Variants in COLEC10 observed in about 807,000 individuals in gnomAD.
The protein encoded by COLEC10 is collectin subfamily member 10.
Under a neutral mutation model 28.4 loss-of-function variants are expected in COLEC10, and 22 were observed. That is an observed-to-expected ratio of 0.78 (90% confidence interval 0.55 to 1.11). The LOEUF (loss-of-function observed/expected upper bound fraction) is 1.11. Ranked by LOEUF, COLEC10 falls within the 50% of genes least tolerant of loss-of-function variation. COLEC10 has a pLI of 0.00. For missense variants in COLEC10, 361 were observed against 344.1 expected, an observed-to-expected ratio of 1.05 and a Z score of -0.39; for synonymous variants, 125 against 116.1, an observed-to-expected ratio of 1.08 and a Z score of -0.49.
intron 1 of COLEC10, among the ~76,000 whole-genome samples, chr8:119,000,758 A>G (rs1486723064): frequency 6.6e-6 from 1 of 152,186 alleles, no homozygotes; most frequent in East Asian, 1.9e-4. Context: ...AGGGAGAACA[A>G]GTTTCATATA....
At chr8:119,076,447 G>C (rs911569839) in intron 1 of COLEC10, among the ~76,000 whole-genome samples, 26 of 152,098 alleles carry the variant, frequency 1.7e-4, no homozygotes, top group Admixed American at 8.5e-4. Flanking sequence ...ATTTTTAGTA[G>C]AGATGGGGTT....
the COLEC10 span, among the ~76,000 whole-genome samples, chr8:118,966,898 T>A: frequency 0.092 from 13,982 of 152,126 alleles, 674 homozygotes; most frequent in African/African-American, 0.12. Flanking sequence ...CTGTGATGTG[T>A]CAAGCCAGGT....
intron 2 of COLEC10, among the ~76,000 whole-genome samples, chr8:119,043,349 C>CT: frequency 6.6e-6 from 1 of 152,204 alleles, no homozygotes; most frequent in Admixed American, 6.5e-5. Flanking sequence ...AGCAGGAAGC[C>CT]AGAGAATTTG....
At chr8:118,969,350 A>G in the COLEC10 span, among the ~76,000 whole-genome samples, 1 of 152,060 alleles carries the variant, frequency 6.6e-6, no homozygotes, top group Non-Finnish European at 1.5e-5. Context: ...TGCAGCAAAC[A>G]TAGGCAACTA....
chr8:119,096,818 T>C (rs1238574570), intron 3 of COLEC10, among the ~76,000 whole-genome samples: 2 of 151,982 alleles, frequency 1.3e-5, no homozygotes, highest in Non-Finnish European at 2.9e-5. Context: ...CATATTTGAC[T>C]AAACTATGAT....
In COLEC10 at chr8:119,102,389, A is replaced by C. The variant is rs779530661; in HGVS notation, c.334A>C (p.Lys112Gln). Residue 112 changes from lysine to glutamine, a missense_variant, in exon 4 of 6, where the codon AAA becomes CAA. Physicochemically the swap from Lys to Gln is moderately conservative, Grantham distance 53. Coordinates refer to ENST00000332843, the MANE Select transcript of COLEC10 (RefSeq NM_006438.5). The part of the protein sequence containing the change: ...EKGLLGIPGE[K>Q]GKAGTVCDCG... The stretch of plus-strand genomic sequence containing the variant: ...AGGTTTGCTTGGAATACCTGGAGAA[A>C]AAGGCAAAGCAGGTACGATATGTTC... 3.1e-6 allele frequency: 5 copies of C among 1,610,192 alleles called. No individual in the cohort carries two copies. In the South Asian group the frequency reaches 5.5e-5, roughly 18 times the overall value.
At chr8:119,028,721 A>C (rs1305155207) in intron 2 of COLEC10, among the ~76,000 whole-genome samples, 1 of 152,230 alleles carries the variant, frequency 6.6e-6, no homozygotes, top group Non-Finnish European at 1.5e-5. Flanking sequence ...GTTTTCTAAA[A>C]TGAAAATGCT....
At chr8:119,079,635 T>G (rs1269421260) in intron 1 of COLEC10, among the ~76,000 whole-genome samples, 1 of 107,906 alleles carries the variant, frequency 9.3e-6, no homozygotes, top group Non-Finnish European at 1.7e-5. Context: ...TACTCAGACA[T>G]GCAATGACTG....
chr8:119,085,482 A>G (rs1815455690), intron 1 of COLEC10, among the ~76,000 whole-genome samples: 3 of 152,138 alleles, frequency 2.0e-5, no homozygotes, highest in African/African-American at 7.2e-5. Flanking sequence ...AAGAAGATGT[A>G]AGTAGGAGTG....
chr8:119,061,405 A>C (rs1384511248), intron 2 of COLEC10, among the ~76,000 whole-genome samples: 1 of 148,810 alleles, frequency 6.7e-6, no homozygotes, highest in Non-Finnish European at 1.5e-5. Flanking sequence ...GGTCCACATT[A>C]AGGCCATATC....
At chr8:119,061,640 G>A (rs765179747) in intron 2 of COLEC10, among the ~76,000 whole-genome samples, 13 of 151,904 alleles carry the variant, frequency 8.6e-5, no homozygotes, top group South Asian at 4.1e-4. Flanking sequence ...ATAATTTGAA[G>A]GTACAATTAC....
intron 2 of COLEC10, among the ~76,000 whole-genome samples, chr8:119,040,433 C>T (rs1205215916): frequency 6.6e-6 from 1 of 151,932 alleles, no homozygotes; most frequent in African/African-American, 2.4e-5. Flanking sequence ...GTATTCTAAA[C>T]CATAAGAAAT....
chr8:118,985,018 G>C, the COLEC10 span, among the ~76,000 whole-genome samples: 2 of 152,012 alleles, frequency 1.3e-5, no homozygotes, highest in East Asian at 1.9e-4. Context: ...ATTTTCCAAG[G>C]AGTCCCTCAC....
chr8:119,029,922 GTTA>G (rs1278916604), intron 2 of COLEC10, among the ~76,000 whole-genome samples: 2 of 152,276 alleles, frequency 1.3e-5, no homozygotes, highest in African/African-American at 4.8e-5. Flanking sequence ...GAAGCCTACT[GTTA>G]TTATGTCTCA....
chr8:118,956,818 T>A, the COLEC10 span, among the ~76,000 whole-genome samples: 1 of 152,154 alleles, frequency 6.6e-6, no homozygotes, highest in East Asian at 1.9e-4. Context: ...CCCATGTAAT[T>A]TGTCTATACC....
chr8:118,984,616 A>G, the COLEC10 span, among the ~76,000 whole-genome samples: 1 of 152,272 alleles, frequency 6.6e-6, no homozygotes. Flanking sequence ...ACAGAGTCAC[A>G]GAGGGAAAGC....
chr8:119,073,528 G>T (rs1056291068), intron 1 of COLEC10, among the ~76,000 whole-genome samples: 2 of 151,888 alleles, frequency 1.3e-5, no homozygotes, highest in African/African-American at 4.8e-5. Flanking sequence ...TGTATTTTAT[G>T]CATAAGGACA....
At chr8:119,076,319 T>C (rs1174285821) in intron 1 of COLEC10, among the ~76,000 whole-genome samples, 1 of 150,418 alleles carries the variant, frequency 6.6e-6, no homozygotes, top group Admixed American at 6.6e-5. Context: ...TGGAGAGCAA[T>C]GGCATGATCT....
the COLEC10 span, among the ~76,000 whole-genome samples, chr8:118,985,997 T>C: frequency 1.7e-4 from 26 of 152,160 alleles, no homozygotes; most frequent in Non-Finnish European, 3.7e-4. Flanking sequence ...GGAGCCAGAG[T>C]GCAGTAAACA....
Sources: gnomAD v4.1 joint callset for allele counts (sites outside exome capture counted in the v4.1 genomes callset) on GRCh38, gnomAD v4.1.1 for gene constraint, MANE v1.5 for transcripts, NCBI Gene and HGNC (gene_info 2026-07-23, HGNC 2026-07-21) for gene names.